The following AGBL1 variants were observed in gnomAD, a reference collection of about 807,000 sequenced individuals.
AGBL1 encodes the protein cytosolic carboxypeptidase 4.
Under a neutral mutation model 118.9 loss-of-function variants are expected in AGBL1, and 130 were observed. That is an observed-to-expected ratio of 1.09 (90% CI 0.95 to 1.26). AGBL1 has a LOEUF of 1.26. Among genes scored for constraint, AGBL1 ranks in the 50% most tolerant of loss-of-function variants. AGBL1 has a pLI of 0.00. For synonymous variants in AGBL1, 555 were observed against 478.9 expected, an observed-to-expected ratio of 1.16 and a Z score of -2.08; for missense variants, 1,584 against 1,298.1, an observed-to-expected ratio of 1.22 and a Z score of -3.38.
intron 18 of AGBL1, among the ~76,000 whole-genome samples, chr15:86,445,251 G>A (rs1239435257): frequency 6.6e-6 from 1 of 152,216 alleles, no homozygotes; most frequent in Non-Finnish European, 1.5e-5. Flanking sequence ...TGAGGATTTG[G>A]AGAGAAAGAA....
At chr15:86,473,581 C>T (rs2082511605) in intron 18 of AGBL1, among the ~76,000 whole-genome samples, 1 of 151,854 alleles carries the variant, frequency 6.6e-6, no homozygotes. Flanking sequence ...GTCATGTGTA[C>T]ATACTTTGTG....
At chr15:86,270,258 C>T (rs1015904979) in intron 14 of AGBL1, among the ~76,000 whole-genome samples, 191 bp downstream of exon 14, 1 of 152,128 alleles carries the variant, frequency 6.6e-6, no homozygotes, top group African/African-American at 2.4e-5. Context: ...AGGCTGGGCA[C>T]CCTCACTCTG....
intron 22 of AGBL1, among the ~76,000 whole-genome samples, chr15:86,701,901 A>T (rs1350351480): frequency 1.9e-5 from 2 of 105,610 alleles, no homozygotes; most frequent in Admixed American, 1.1e-4. Flanking sequence ...CCTTTCTTTC[A>T]CTTTCCTCCC....
chr15:86,160,337 A>C (rs1326244223), intron 5 of AGBL1, among the ~76,000 whole-genome samples: 1 of 152,160 alleles, frequency 6.6e-6, no homozygotes, highest in Non-Finnish European at 1.5e-5. Context: ...ATTTACATTT[A>C]TGTCAGATAA....
At chr15:86,437,344 T>C (rs1042624826) in intron 18 of AGBL1, among the ~76,000 whole-genome samples, 5 of 152,142 alleles carry the variant, frequency 3.3e-5, no homozygotes, top group Admixed American at 6.5e-5. Flanking sequence ...TTCTCTCCAA[T>C]AGAGAAAAGA....
chr15:86,768,116 T>C (rs1373236253), intron 22 of AGBL1, among the ~76,000 whole-genome samples: 1 of 151,942 alleles, frequency 6.6e-6, no homozygotes, highest in Admixed American at 6.6e-5. Flanking sequence ...ACAGTGAATC[T>C]AGTCAATGTG....
chr15:86,637,709 C>T (rs1340003660), intron 21 of AGBL1, among the ~76,000 whole-genome samples: 1 of 152,072 alleles, frequency 6.6e-6, no homozygotes, highest in Non-Finnish European at 1.5e-5. Flanking sequence ...TGGTAAGAAG[C>T]ACTCAGATTT....
At position 86,600,441 on chromosome 15, in the gene AGBL1, G is replaced by A. The variant is rs1203471628; in HGVS notation, c.2994+45904G>A. 6.6e-5 allele frequency among the ~76,000 whole-genome samples: 10 copies of A among 152,252 alleles called. No homozygotes were observed. In the East Asian group the frequency reaches 1.9e-3, roughly 29 times the overall value. On this transcript the variant is annotated intron_variant, in intron 21 of 22. Transcript: ENST00000614907. ...GTGCCCAAAATATCTTAAAGGTCTT[G>A]CAAAAGGACTATACGGGATGTGGTT...
At chr15:86,677,010 T>G (rs1056950036) in intron 22 of AGBL1, among the ~76,000 whole-genome samples, 1 of 152,068 alleles carries the variant, frequency 6.6e-6, no homozygotes, top group African/African-American at 2.4e-5. Flanking sequence ...AGGGAGACTC[T>G]GTCTCAAACA....
intron 21 of AGBL1, among the ~76,000 whole-genome samples, chr15:86,660,678 G>C (rs771989157): frequency 1.3e-5 from 2 of 151,974 alleles, no homozygotes; most frequent in Non-Finnish European, 2.9e-5. Flanking sequence ...TTTAAGACCT[G>C]AATTATGATT....
chr15:86,724,543 G>A (rs2086790591), intron 22 of AGBL1, among the ~76,000 whole-genome samples: 1 of 152,138 alleles, frequency 6.6e-6, no homozygotes, highest in Non-Finnish European at 1.5e-5. Flanking sequence ...CAAGGGTAGA[G>A]GTAAGGGAGA....
rs1269146705 is a variant in AGBL1 at position 86,247,882 on chromosome 15, A to T, written c.735+3A>T. 2.5e-6 allele frequency: 4 copies of T among 1,613,720 alleles called. No homozygotes were observed. Among genetic ancestry groups the T allele is most frequent in the Non-Finnish European group, 3.4e-6 (4 of 1,179,874 alleles). The stretch of plus-strand genomic sequence containing the variant: ...AGATCCTCTTCAGCACCACACAGGC[A>T]GGCAGCATGGGGATTCACTCTGCAG... On this transcript the variant is annotated splice_donor_region_variant and intron_variant, in intron 7 of 22. Transcript: ENST00000614907.
chr15:86,789,403 T>C (rs1425465839), intron 22 of AGBL1, among the ~76,000 whole-genome samples: 1 of 152,236 alleles, frequency 6.6e-6, no homozygotes, highest in African/African-American at 2.4e-5. Context: ...GCTTGTACTT[T>C]GGCTTTGGTA....
rs556404100 is a variant in AGBL1 at position 86,507,426 on chromosome 15, G to A, written c.2556-15384G>A. 7.2e-4 allele frequency among the ~76,000 whole-genome samples: 110 copies of A among 152,204 alleles called. No individual in the cohort carries two copies. In the Middle Eastern group the frequency reaches 0.014, roughly 19 times the overall value. ...CGATAAGGTGATTTCTATGTGTCAC[G>A]AATTGTTTTTTGGGGCTGAGGATAC... On this transcript the variant is annotated intron_variant, in intron 18 of 22. Coordinates refer to ENST00000614907, the MANE Select transcript of AGBL1 (RefSeq NM_001386094.1).
At chr15:86,523,331 C>G (rs1479638062) in intron 19 of AGBL1, among the ~76,000 whole-genome samples, 1 of 152,178 alleles carries the variant, frequency 6.6e-6, no homozygotes, top group African/African-American at 2.4e-5. Context: ...ACAAGGCCAT[C>G]TTCCCTCTGT....
At chr15:86,812,492 T>C (rs182331896) in intron 22 of AGBL1, among the ~76,000 whole-genome samples, 63 of 152,356 alleles carry the variant, frequency 4.1e-4, no homozygotes, top group African/African-American at 1.5e-3. Context: ...ACAGTTTTGA[T>C]GCTCGAGCTC....
intron 21 of AGBL1, among the ~76,000 whole-genome samples, chr15:86,585,339 C>T (rs1174510682): frequency 6.6e-6 from 1 of 151,934 alleles, no homozygotes; most frequent in East Asian, 1.9e-4. Context: ...AAGGTAAAAT[C>T]AGTAGTTTTC....
chr15:87,022,811 C>T (rs2081679516), intron 24 of AGBL1, among the ~76,000 whole-genome samples: 1 of 152,024 alleles, frequency 6.6e-6, no homozygotes, highest in African/African-American at 2.4e-5. Context: ...TTTTCAGCTT[C>T]CTCAAACAAA....
chr15:86,902,881 C>A lies in AGBL1; in HGVS notation c.3159-4206C>A, dbSNP rs191299843. Among the ~76,000 whole-genome samples, 82 of 152,222 alleles carry A rather than the reference C, an allele frequency of 5.4e-4. 1 individual carries two copies. The highest frequency in any genetic ancestry group is 1.9e-3 in the African/African-American group (80 of 41,540). Reference sequence around the variant, plus strand: ...GAAGATTAGCTATCATCTGTCTTTGCCTTGATTTCTTTGGCTTTATCTGTT... The same window carrying A: ...GAAGATTAGCTATCATCTGTCTTTGACTTGATTTCTTTGGCTTTATCTGTT... On this transcript the variant is annotated intron_variant, in intron 22 of 22. Transcript: ENST00000614907.
Sources: allele counts gnomAD v4.1 joint callset (sites outside exome capture counted in the v4.1 genomes callset), GRCh38; gene constraint gnomAD v4.1.1; transcripts MANE v1.5; gene names NCBI Gene and HGNC (gene_info 2026-07-23, HGNC 2026-07-21).